PRDM10: variants seen among roughly 807,000 people sequenced by gnomAD.
The protein encoded by PRDM10 is PR domain zinc finger protein 10.
Under a neutral mutation model 133.1 loss-of-function variants are expected in PRDM10, and 65 were observed. The ratio of observed to expected loss-of-function variants is 0.49; its 90% CI spans 0.40 to 0.60. The LOEUF (loss-of-function observed/expected upper bound fraction) is 0.60. Among genes scored for constraint, PRDM10 ranks in the 20% least tolerant of loss-of-function variants. The pLI is 0.00. For synonymous variants in PRDM10, 582 were observed against 580.4 expected (o/e 1.00, Z -0.04); for missense variants, 1,137 against 1,507.1 (o/e 0.75, Z 4.07).
At chr11:129,979,759 C>G (rs1015528973) in intron 1 of PRDM10, among the ~76,000 whole-genome samples, 3 of 152,180 alleles carry the variant, frequency 2.0e-5, no homozygotes, top group African/African-American at 7.2e-5. Context: ...ACTGCACGTC[C>G]CCATCCCTTC....
In PRDM10 at chr11:129,925,152, C is replaced by A. The variant is rs747093101; in HGVS notation, c.1608G>T (p.Arg536=). The change falls in exon 12 of 21, where the codon CGG becomes CGT. Residue 536 remains arginine (R), a synonymous_variant. Transcript: ENST00000360871. ...FKCLQCGKAF[R]EKDKLDQHLR... Reference sequence around the variant, plus strand: ...AGTGCTGGTCCAGTTTGTCCTTTTCCCGGAAGGCCTTCCCACACTGCAAGC... The same window carrying A: ...AGTGCTGGTCCAGTTTGTCCTTTTCACGGAAGGCCTTCCCACACTGCAAGC... 4.4e-5 allele frequency: 71 copies of A among 1,614,070 alleles called. No homozygotes were observed. Among genetic ancestry groups the A allele is most frequent in the Non-Finnish European group, 5.9e-5 (70 of 1,180,046 alleles).
rs1382538078 is a variant in PRDM10 at position 129,947,077 on chromosome 11, C to G, written c.520+68G>C. ...GACGCACGGGAGCTATGTTCACACA[C>G]ACGCACACGTACACAGACACACAAG... On this transcript the variant is annotated intron_variant, in intron 5 of 20. Coordinates refer to ENST00000360871, the MANE Select transcript of PRDM10 (RefSeq NM_199437.2). This position sits in a 1 kb window ranked among gnomAD's most constrained non-coding sequence, Gnocchi z 4.6. The G allele has an allele frequency of 1.9e-6, 3 of 1,574,110 alleles. No individual in the cohort carries two copies. Among genetic ancestry groups the G allele is most frequent in the Non-Finnish European group, 2.6e-6 (3 of 1,157,372 alleles).
chr11:129,990,943 C>A (rs1211211709), intron 1 of PRDM10, among the ~76,000 whole-genome samples: 1 of 152,126 alleles, frequency 6.6e-6, no homozygotes, highest in African/African-American at 2.4e-5. Context: ...ATAATGAAGA[C>A]CTACAAGCTA....
chr11:129,954,637 G>A (rs1951661887), intron 4 of PRDM10, among the ~76,000 whole-genome samples: 1 of 151,976 alleles, frequency 6.6e-6, no homozygotes, highest in Non-Finnish European at 1.5e-5. Flanking sequence ...ACAAATTACA[G>A]TCACACTACC....
At chr11:129,935,506 C>T (rs754523439) in intron 8 of PRDM10, among the ~76,000 whole-genome samples, 38 of 152,078 alleles carry the variant, frequency 2.5e-4, no homozygotes, top group Non-Finnish European at 4.4e-4. Flanking sequence ...TTCACCACAC[C>T]GAAAACACAT....
Position 129,900,157 on chromosome 11 carries a change from A to C in PRDM10, c.*2156T>G, listed in dbSNP as rs545670300. The C allele has an allele frequency of 4.6e-4, 70 of 152,412 alleles. 1 individual carries two copies. The highest frequency in any genetic ancestry group is 1.6e-3 in the African/African-American group (67 of 41,562). 9.4% of individuals were successfully genotyped at this position (152,412 alleles called of 1,614,324 possible). A position where few individuals can be genotyped will look rare whatever the true frequency, so the allele number is the denominator to read the frequency against. On this transcript the variant is annotated 3_prime_UTR_variant, in exon 21 of 21. Transcript: ENST00000360871. ...CACTGGCTACATACATGTTTTCCAA[A>C]TTAAGTTTTCTGATGGCTCATCATT...
At position 129,917,118 on chromosome 11, in the gene PRDM10, C is replaced by T. The variant is rs1255501099; in HGVS notation, c.2325+9G>A. 6.3e-7 allele frequency: 1 copy of T among 1,588,786 alleles called. No homozygotes were observed. The highest frequency in any genetic ancestry group is 1.7e-5 in the Admixed American group (1 of 59,552). On this transcript the variant is annotated intron_variant, in intron 15 of 20. Transcript: ENST00000360871. ...CAGTGGCATACCAATATGAATATTT[C>T]CCTTTTACCTTATCGCAATACTGAC...
intron 1 of PRDM10, among the ~76,000 whole-genome samples, chr11:129,989,663 G>A (rs1369197544): frequency 1.3e-5 from 2 of 152,162 alleles, no homozygotes; most frequent in African/African-American, 2.4e-5. Context: ...TTAATGTATA[G>A]AGGCACAATC....
intron 10 of PRDM10, among the ~76,000 whole-genome samples, chr11:129,931,571 A>ATTTT (rs200453898): frequency 2.2e-5 from 3 of 135,478 alleles, no homozygotes; most frequent in Non-Finnish European, 3.2e-5. Flanking sequence ...ATTTTATTTT[A>ATTTT]TTTTATTTTT....
intron 13 of PRDM10, among the ~76,000 whole-genome samples, chr11:129,920,461 G>A (rs574927434): frequency 3.3e-5 from 5 of 152,178 alleles, no homozygotes; most frequent in Admixed American, 6.5e-5. Flanking sequence ...CTCCCATGAC[G>A]CCTGTCTTGA....
At chr11:129,970,688 G>A (rs923251514) in intron 1 of PRDM10, among the ~76,000 whole-genome samples, 5 of 152,008 alleles carry the variant, frequency 3.3e-5, no homozygotes, top group African/African-American at 1.2e-4. Flanking sequence ...GGGATTATAG[G>A]TGTCCACCAC....
rs1950413841 is a variant in PRDM10, at chr11:129,918,160, C to T, written c.2214+379G>A. 6.6e-6 allele frequency among the ~76,000 whole-genome samples: 1 copy of T among 151,344 alleles called. No individual in the cohort carries two copies. The highest frequency in any genetic ancestry group is 2.4e-5 in the African/African-American group (1 of 41,136). On this transcript the variant is annotated intron_variant, in intron 14 of 20. Coordinates refer to ENST00000360871, the MANE Select transcript of PRDM10 (RefSeq NM_199437.2). The surrounding 1 kb of genome is among the most constrained non-coding windows in gnomAD (Gnocchi z 5.3). ...AATAAATAAATAAAATAAAAGGGAA[C>T]AGCTGGGGAGAAGGCAAATACCCCA... is the stretch of plus-strand genomic sequence containing the variant.
chr11:130,000,646 G>T (rs1939301735), intron 1 of PRDM10, among the ~76,000 whole-genome samples: 1 of 152,174 alleles, frequency 6.6e-6, no homozygotes, highest in Non-Finnish European at 1.5e-5. Flanking sequence ...AAACAATTTT[G>T]CCTTGCAAAA....
Position 129,977,297 on chromosome 11 carries a change from C to CACACAT in PRDM10, c.-118-16216_-118-16215insATGTGT, listed in dbSNP as rs1465081302. On this transcript the variant is annotated intron_variant, in intron 1 of 20. Coordinates refer to ENST00000360871, the MANE Select transcript of PRDM10 (RefSeq NM_199437.2). ...ACACACACACACACACACACACACACACATTGAGATGCAGTCTCACTCTGT... is the reference window on the plus strand; with the variant it reads ...ACACACACACACACACACACACACACACACATACATTGAGATGCAGTCTCACTCTGT... Among the ~76,000 whole-genome samples the CACACAT allele has an allele frequency of 7.1e-3, 1,045 of 147,548 alleles. 44 individuals carry two copies. The highest frequency in any genetic ancestry group is 0.056 in the Admixed American group (817 of 14,720).
At chr11:129,987,076 T>C (rs984199254) in intron 1 of PRDM10, among the ~76,000 whole-genome samples, 2 of 152,186 alleles carry the variant, frequency 1.3e-5, no homozygotes, top group African/African-American at 4.8e-5. Flanking sequence ...AAAATATACC[T>C]GAAATTCAAA....
At chr11:129,998,021 A>G (rs2136010089) in intron 1 of PRDM10, among the ~76,000 whole-genome samples, 1 of 152,366 alleles carries the variant, frequency 6.6e-6, no homozygotes, top group South Asian at 2.1e-4. Flanking sequence ...TCAAAGAAAT[A>G]TGCAAGCCAC....
intron 1 of PRDM10, among the ~76,000 whole-genome samples, chr11:129,969,083 A>G (rs1452846304): frequency 6.6e-6 from 1 of 152,172 alleles, no homozygotes; most frequent in Non-Finnish European, 1.5e-5. Context: ...ATATGTTCAG[A>G]CAGGAAGCTT....
chr11:129,971,552 A>C (rs1216037321), intron 1 of PRDM10, among the ~76,000 whole-genome samples: 3 of 152,068 alleles, frequency 2.0e-5, no homozygotes, highest in Non-Finnish European at 2.9e-5. Context: ...ACAAACCTTG[A>C]GCTAGATACA....
intron 7 of PRDM10, among the ~76,000 whole-genome samples, chr11:129,937,923 G>C (rs778028399): frequency 6.9e-4 from 105 of 152,172 alleles, no homozygotes; most frequent in Non-Finnish European, 1.4e-3. Context: ...AACTTCACAA[G>C]AATTATAATC....
Sources: gnomAD v4.1 joint callset for allele counts (sites outside exome capture counted in the v4.1 genomes callset) on GRCh38, gnomAD v4.1.1 for gene constraint, Gnocchi (gnomAD v3.1) non-coding constraint, MANE v1.5 for transcripts, NCBI Gene and HGNC (gene_info 2026-07-23, HGNC 2026-07-21) for gene names.